ATG10: variants seen among roughly 807,000 people sequenced by gnomAD.
The protein encoded by ATG10 is autophagy related 10, also known as ubiquitin-like-conjugating enzyme ATG10.
In ATG10, 30 loss-of-function variants were observed where a neutral mutation model predicts 32.1. That is an observed-to-expected ratio of 0.94 (90% CI 0.70 to 1.27). ATG10 has a LOEUF of 1.27. ATG10 is among the 50% of genes most tolerant of loss of function. ATG10 has a pLI of 0.00. For synonymous variants in ATG10, 87 were observed against 91.5 expected (o/e 0.95, Z 0.28); for missense variants, 233 against 262.3 (o/e 0.89, Z 0.77).
At position 82,133,417 on chromosome 5, in the gene ATG10, C is replaced by T. The variant is rs115513204; in HGVS notation, c.217-30982C>T. ...ATTTTTGCATAACGTGTAAGGAAAG[C>T]GTCCAGTTTCAGTTTTCTGCATATG... On this transcript the variant is annotated intron_variant, in intron 3 of 7. Coordinates refer to ENST00000282185, the MANE Select transcript of ATG10 (RefSeq NM_031482.5). Among the ~76,000 whole-genome samples the T allele has an allele frequency of 2.6e-3, 395 of 151,974 alleles. 4 individuals carry two copies. The highest frequency in any genetic ancestry group is 4.9e-3 in the African/African-American group (205 of 41,442).
At chr5:81,982,183 C>T (rs549527659) in intron 1 of ATG10, among the ~76,000 whole-genome samples, 13 of 152,290 alleles carry the variant, frequency 8.5e-5, no homozygotes, top group African/African-American at 2.4e-4. Flanking sequence ...TTATGCCAGG[C>T]GTGGTGGCTC....
At chr5:82,141,595 T>C (rs1037074589) in intron 3 of ATG10, among the ~76,000 whole-genome samples, 1 of 151,680 alleles carries the variant, frequency 6.6e-6, no homozygotes, top group Non-Finnish European at 1.5e-5. Flanking sequence ...ATGAAAAAAA[T>C]AAGCTAAACT....
chr5:82,153,992 G>A (rs1767713935), intron 3 of ATG10, among the ~76,000 whole-genome samples: 2 of 150,592 alleles, frequency 1.3e-5, no homozygotes, highest in South Asian at 4.2e-4. Flanking sequence ...TTGAACTCCT[G>A]GGCTCAAGCA....
At chr5:82,024,706 A>G (rs1032416667) in intron 2 of ATG10, among the ~76,000 whole-genome samples, 1 of 152,222 alleles carries the variant, frequency 6.6e-6, no homozygotes, top group South Asian at 2.1e-4. Flanking sequence ...GCCATGATTT[A>G]TAATTCCAGT....
At chr5:82,129,732 G>A (rs528867850) in intron 3 of ATG10, among the ~76,000 whole-genome samples, 2 of 152,170 alleles carry the variant, frequency 1.3e-5, no homozygotes, top group African/African-American at 4.8e-5. Flanking sequence ...TCCCAGGGGG[G>A]CATCTGCCAG....
intron 2 of ATG10, among the ~76,000 whole-genome samples, chr5:81,991,242 T>A (rs1169496751): frequency 6.6e-6 from 1 of 152,376 alleles, no homozygotes; most frequent in East Asian, 1.9e-4. Context: ...TTATGTAGCA[T>A]CTCAAATCTT....
At chr5:82,203,505 G>A (rs906061615) in intron 5 of ATG10, among the ~76,000 whole-genome samples, 12 of 152,080 alleles carry the variant, frequency 7.9e-5, no homozygotes, top group Admixed American at 6.6e-4. Flanking sequence ...AGTTTTAATC[G>A]GTGGGAGAGA....
chr5:82,185,258 A>G (rs1167619566), intron 5 of ATG10, among the ~76,000 whole-genome samples: 1 of 152,172 alleles, frequency 6.6e-6, no homozygotes, highest in Non-Finnish European at 1.5e-5. Flanking sequence ...TATTCTTTCT[A>G]ACACTTGAAC....
chr5:82,095,428 A>G (rs564033663), intron 3 of ATG10, among the ~76,000 whole-genome samples: 2 of 152,170 alleles, frequency 1.3e-5, no homozygotes, highest in African/African-American at 4.8e-5. Context: ...ACATGGGGGA[A>G]TAAGAATAGT....
intron 3 of ATG10, among the ~76,000 whole-genome samples, chr5:82,116,420 T>A (rs1377151511): frequency 6.6e-6 from 1 of 152,120 alleles, no homozygotes; most frequent in Non-Finnish European, 1.5e-5. Flanking sequence ...AAACACAATT[T>A]TGAATTATAT....
At chr5:82,044,316 C>T (rs1416846917) in intron 2 of ATG10, among the ~76,000 whole-genome samples, 1 of 152,054 alleles carries the variant, frequency 6.6e-6, no homozygotes, top group Non-Finnish European at 1.5e-5. Context: ...AGGGGAAAAT[C>T]CAACCCCATG....
At chr5:81,983,264 G>C (rs1761121246) in intron 1 of ATG10, among the ~76,000 whole-genome samples, 1 of 149,392 alleles carries the variant, frequency 6.7e-6, no homozygotes, top group African/African-American at 2.5e-5. Context: ...TCCTGGACGG[G>C]GTGGCTGGCT....
chr5:82,186,567 C>A (rs1223476136), intron 5 of ATG10, among the ~76,000 whole-genome samples: 1 of 149,332 alleles, frequency 6.7e-6, no homozygotes, highest in Non-Finnish European at 1.5e-5. Context: ...GGGTACCATA[C>A]ATGGTCAGGG....
intron 3 of ATG10, among the ~76,000 whole-genome samples, chr5:82,093,745 T>A (rs1418651868): frequency 1.3e-5 from 2 of 152,180 alleles, no homozygotes; most frequent in African/African-American, 4.8e-5. Context: ...CCTATAAACA[T>A]TTTTTGAACT....
chr5:82,226,205 T>G (rs1010794466), intron 5 of ATG10, among the ~76,000 whole-genome samples: 3 of 152,214 alleles, frequency 2.0e-5, no homozygotes, highest in Non-Finnish European at 2.9e-5. Context: ...ATCAAACCTT[T>G]TAATTACCAC....
intron 3 of ATG10, among the ~76,000 whole-genome samples, chr5:82,128,915 G>A (rs534689701): frequency 2.6e-5 from 4 of 151,694 alleles, no homozygotes; most frequent in East Asian, 2.0e-4. Flanking sequence ...GTCTTGCTAG[G>A]TTGGGGATGT....
At chr5:82,220,767 T>C (rs552578751) in intron 5 of ATG10, among the ~76,000 whole-genome samples, 2 of 151,588 alleles carry the variant, frequency 1.3e-5, no homozygotes, top group South Asian at 4.2e-4. Flanking sequence ...TCTCTCTTTT[T>C]TTTTTTTTGT....
intron 2 of ATG10, among the ~76,000 whole-genome samples, chr5:82,019,172 C>T (rs1647699037): frequency 6.6e-6 from 1 of 152,074 alleles, no homozygotes; most frequent in South Asian, 2.1e-4. Flanking sequence ...AAAAACAAGT[C>T]AGTATTCCTT....
intron 5 of ATG10, among the ~76,000 whole-genome samples, chr5:82,215,215 C>A (rs1243807322): frequency 6.6e-6 from 1 of 152,118 alleles, no homozygotes; most frequent in East Asian, 1.9e-4. Context: ...AGTTATATGC[C>A]ATGTGGGCTT....
Sources: allele counts gnomAD v4.1 joint callset (sites outside exome capture counted in the v4.1 genomes callset), GRCh38; gene constraint gnomAD v4.1.1; transcripts MANE v1.5; gene names NCBI Gene and HGNC (gene_info 2026-07-23, HGNC 2026-07-21).